The following STAT3 variants were observed in gnomAD, a reference collection of about 807,000 sequenced individuals.
The protein encoded by STAT3 is DNA-binding protein APRF.
In STAT3, 7 loss-of-function variants were observed where a neutral mutation model predicts 114.3. That is an observed-to-expected ratio of 0.06 (90% CI 0.03 to 0.11). STAT3 has a LOEUF of 0.11. STAT3 is among the 10% of genes least tolerant of loss of function. The pLI is 1.00. For synonymous variants in STAT3, 331 were observed against 354.5 expected, an observed-to-expected ratio of 0.93 and a Z score of 0.74; for missense variants, 364 against 960.9, an observed-to-expected ratio of 0.38 and a Z score of 8.21.
chr17:42,326,090 C>G (rs1364032677), intron 15 of STAT3, 26 bp downstream of exon 15: 6 of 1,610,302 alleles, frequency 3.7e-6, no homozygotes, highest in Non-Finnish European at 5.1e-6. Flanking sequence ...TACGTAGCCT[C>G]TCACCGATTC....
chr17:42,323,409 T>TC (rs1417062558), intron 18 of STAT3, 55 bp from the exon 19 acceptor site: 1 of 1,594,132 alleles, frequency 6.3e-7, no homozygotes, highest in African/African-American at 1.3e-5. Context: ...GCCCTTCCCT[T>TC]CCTAGGGGTG....
At chr17:42,318,159 T>C (rs578005629) in intron 21 of STAT3, among the ~76,000 whole-genome samples, 224 of 152,126 alleles carry the variant, frequency 1.5e-3, no homozygotes, top group African/African-American at 5.0e-3. Context: ...CTTGCTCTCT[T>C]TCGCCCAGGT....
At chr17:42,384,647 G>A (rs2145406932) in intron 1 of STAT3, among the ~76,000 whole-genome samples, 1 of 151,668 alleles carries the variant, frequency 6.6e-6, no homozygotes, top group Non-Finnish European at 1.5e-5. Flanking sequence ...CTTAACCCCC[G>A]GGGCTTGGGT....
At chr17:42,348,640 G>A (rs976584801) in intron 1 of STAT3, 101 bp from the exon 2 acceptor site, 1 of 1,356,690 alleles carries the variant, frequency 7.4e-7, no homozygotes, top group East Asian at 2.4e-5. Context: ...TGTGACTAGG[G>A]ATAAAGATGC....
At chr17:42,375,301 G>C (rs1371277735) in intron 1 of STAT3, among the ~76,000 whole-genome samples, 1 of 152,114 alleles carries the variant, frequency 6.6e-6, no homozygotes, top group African/African-American at 2.4e-5. Context: ...TATGGGCCTT[G>C]TAAAGCCACA....
intron 1 of STAT3, among the ~76,000 whole-genome samples, chr17:42,353,374 G>GAAGAGAAAAGA: frequency 7.5e-6 from 1 of 133,580 alleles, no homozygotes; most frequent in East Asian, 2.3e-4. Flanking sequence ...AAGAAAGAAA[G>GAAGAGAAAAGA]AAAGAAGAGA....
At chr17:42,384,431 C>T (rs2084981197) in intron 1 of STAT3, among the ~76,000 whole-genome samples, 1 of 150,982 alleles carries the variant, frequency 6.6e-6, no homozygotes, top group Non-Finnish European at 1.5e-5. Context: ...CGCCCGGCGC[C>T]CCGAAAGTTT....
intron 1 of STAT3, among the ~76,000 whole-genome samples, chr17:42,351,412 T>A (rs1008559789): frequency 2.0e-5 from 3 of 152,056 alleles, no homozygotes; most frequent in African/African-American, 7.2e-5. Flanking sequence ...TGGCTGATTA[T>A]TTTTGTAGAG....
Position 42,323,151 on chromosome 17 carries a change from C to T in STAT3, c.1749-8G>A. The T allele has an allele frequency of 6.2e-7, 1 of 1,614,132 alleles. No individual in the cohort carries two copies. The highest frequency in any genetic ancestry group is 8.5e-7 in the Non-Finnish European group (1 of 1,180,030). ...ATAAAGCCCATGATGTACCTGGAGCCAAGGAGGAGGAACAATGTTGTTATT... is the reference window on the plus strand; with the variant it reads ...ATAAAGCCCATGATGTACCTGGAGCTAAGGAGGAGGAACAATGTTGTTATT... On this transcript the variant is annotated splice_polypyrimidine_tract_variant and splice_region_variant and intron_variant, in intron 19 of 23. Coordinates refer to ENST00000264657, the MANE Select transcript of STAT3 (RefSeq NM_139276.3).
chr17:42,347,979 A>C (rs937225184), intron 2 of STAT3, among the ~76,000 whole-genome samples: 2 of 152,344 alleles, frequency 1.3e-5, no homozygotes, highest in Non-Finnish European at 2.9e-5. Flanking sequence ...AGAACAGACT[A>C]ATACACCCCT....
At chr17:42,383,389 A>C (rs2145391135) in intron 1 of STAT3, among the ~76,000 whole-genome samples, 1 of 150,780 alleles carries the variant, frequency 6.6e-6, no homozygotes, top group East Asian at 2.0e-4. Context: ...TTAAAGAAAC[A>C]AAGTGGTCTC....
chr17:42,360,323 G>A (rs995501231), intron 1 of STAT3, among the ~76,000 whole-genome samples: 5 of 150,084 alleles, frequency 3.3e-5, no homozygotes, highest in Non-Finnish European at 7.4e-5. Context: ...GTGACCCACC[G>A]TACCCAGCTA....
At chr17:42,340,540 G>C (rs1217462975) in intron 4 of STAT3, among the ~76,000 whole-genome samples, 2 of 151,790 alleles carry the variant, frequency 1.3e-5, no homozygotes, top group Non-Finnish European at 2.9e-5. Flanking sequence ...TAACTAGCTG[G>C]GCATGGTGGC....
chr17:42,374,906 C>G (rs927639748), intron 1 of STAT3, among the ~76,000 whole-genome samples: 1 of 152,070 alleles, frequency 6.6e-6, no homozygotes, highest in Non-Finnish European at 1.5e-5. Context: ...AAACAATTAA[C>G]GAGAATAAAG....
chr17:42,334,626 G>A (rs539464414), intron 8 of STAT3, among the ~76,000 whole-genome samples: 1 of 152,146 alleles, frequency 6.6e-6, no homozygotes, highest in East Asian at 1.9e-4. Flanking sequence ...TGCATTTTTA[G>A]TAGAGATGGG....
intron 1 of STAT3, among the ~76,000 whole-genome samples, chr17:42,357,031 G>C (rs1395710798): frequency 6.6e-6 from 1 of 151,246 alleles, no homozygotes; most frequent in Non-Finnish European, 1.5e-5. Context: ...GAGGTGATCT[G>C]CCTGCCTCAG....
In STAT3 at chr17:42,388,374, G is replaced by C. The variant is rs901040955; in HGVS notation, c.-119C>G. ...GGCCGAAGGGCCTCTCCGAGCCGAG[G>C]GGGAGAGACAGCGCCAAGCCGGGGT... On this transcript the variant is annotated 5_prime_UTR_variant, in exon 1 of 24. Transcript: ENST00000264657. The C allele has an allele frequency of 4.1e-6, 5 of 1,231,646 alleles. No individual in the cohort carries two copies. The highest frequency in any genetic ancestry group is 4.0e-6 in the Non-Finnish European group (4 of 987,898). 76.3% of individuals were successfully genotyped at this position (1,231,646 alleles called of 1,614,324 possible). A position where few individuals can be genotyped will look rare whatever the true frequency, so the allele number is the denominator to read the frequency against.
At chr17:42,353,347 CAA>C (rs10659012) in intron 1 of STAT3, among the ~76,000 whole-genome samples, 8 of 80,826 alleles carry the variant, frequency 9.9e-5, no homozygotes, top group Non-Finnish European at 8.0e-5. Context: ...GACTGCATAT[CAA>C]AAAAAAAAAA....
At position 42,354,412 on chromosome 17, in the gene STAT3, C is replaced by G. The variant is rs562814128; in HGVS notation, c.-23-5873G>C. On this transcript the variant is annotated intron_variant, in intron 1 of 23. Transcript: ENST00000264657. Reference sequence around the variant, plus strand: ...CTCAAACTCCTGACCTCGTGATCCGCCCGCCTCGGCCTCCCAAACTGCTGG... The same window carrying G: ...CTCAAACTCCTGACCTCGTGATCCGGCCGCCTCGGCCTCCCAAACTGCTGG... Among the ~76,000 whole-genome samples the G allele has an allele frequency of 2.0e-5, 3 of 150,732 alleles. No homozygotes were observed. The South Asian group carries it at 6.3e-4, about 32-fold the overall frequency.
Sources: gnomAD v4.1 joint callset for allele counts (sites outside exome capture counted in the v4.1 genomes callset) on GRCh38, gnomAD v4.1.1 for gene constraint, MANE v1.5 for transcripts, NCBI Gene and HGNC (gene_info 2026-07-23, HGNC 2026-07-21) for gene names.